Variants in DIAPH3 observed in about 807,000 individuals in gnomAD.
The protein encoded by DIAPH3 is protein diaphanous homolog 3.
In DIAPH3, 117 loss-of-function variants were observed where a neutral mutation model predicts 144.3. That is an observed-to-expected ratio of 0.81 (90% CI 0.70 to 0.95). The LOEUF is 0.95. DIAPH3 is among the 40% of genes least tolerant of loss of function. DIAPH3 has a pLI of 0.00. For missense variants in DIAPH3, 1,421 were observed against 1,412.7 expected, an observed-to-expected ratio of 1.01 and a Z score of -0.09; for synonymous variants, 519 against 488.9, an observed-to-expected ratio of 1.06 and a Z score of -0.81.
chr13:59,717,748 T>G (rs759853541), intron 27 of DIAPH3, among the ~76,000 whole-genome samples: 3 of 151,540 alleles, frequency 2.0e-5, no homozygotes, highest in Non-Finnish European at 4.4e-5. Flanking sequence ...ATTATAGGTA[T>G]AGGAGGATAA....
At chr13:59,820,719 A>G (rs1021467688) in intron 24 of DIAPH3, among the ~76,000 whole-genome samples, 22 of 150,996 alleles carry the variant, frequency 1.5e-4, no homozygotes, top group Non-Finnish European at 2.2e-4. Context: ...GTTATAAAAT[A>G]AAATTTTAAT....
At chr13:60,067,497 T>C (rs768460438) in intron 4 of DIAPH3, among the ~76,000 whole-genome samples, 2 of 152,114 alleles carry the variant, frequency 1.3e-5, no homozygotes, top group Non-Finnish European at 2.9e-5. Flanking sequence ...AGCCGACCCC[T>C]TGCTAGGATG....
intron 25 of DIAPH3, among the ~76,000 whole-genome samples, chr13:59,787,136 C>T (rs2039073942): frequency 6.6e-6 from 1 of 152,072 alleles, no homozygotes; most frequent in Non-Finnish European, 1.5e-5. Context: ...ATGTACTACA[C>T]TTGGTGATTC....
chr13:59,907,782 G>A (rs2046810854), intron 20 of DIAPH3, among the ~76,000 whole-genome samples: 1 of 152,180 alleles, frequency 6.6e-6, no homozygotes, highest in Non-Finnish European at 1.5e-5. Context: ...TAAGAACTGA[G>A]TACCACAAAA....
chr13:59,780,457 T>A (rs796136551), intron 25 of DIAPH3, among the ~76,000 whole-genome samples: 15 of 152,266 alleles, frequency 9.9e-5, no homozygotes, highest in African/African-American at 3.6e-4. Flanking sequence ...TTTCTTAGAG[T>A]AGAATTCAAT....
intron 1 of DIAPH3, among the ~76,000 whole-genome samples, chr13:60,143,727 G>A (rs981852438): frequency 2.0e-5 from 3 of 152,154 alleles, no homozygotes; most frequent in African/African-American, 7.2e-5. Flanking sequence ...CTGTTTTGCT[G>A]GGTGTCAGTT....
chr13:60,141,648 G>A (rs1468311373), intron 1 of DIAPH3, among the ~76,000 whole-genome samples: 1 of 152,188 alleles, frequency 6.6e-6, no homozygotes, highest in Admixed American at 6.5e-5. Context: ...ATTCATTCAT[G>A]CAACAACTGT....
At chr13:59,882,835 T>C (rs1417737043) in intron 20 of DIAPH3, among the ~76,000 whole-genome samples, 1 of 152,150 alleles carries the variant, frequency 6.6e-6, no homozygotes, top group African/African-American at 2.4e-5. Context: ...TGAGATGTAA[T>C]CTGAAGATCA....
chr13:60,099,952 G>GAAGA (rs2058221794), intron 3 of DIAPH3, among the ~76,000 whole-genome samples: 1 of 141,972 alleles, frequency 7.0e-6, no homozygotes, highest in African/African-American at 3.1e-5. Context: ...AGGAAGGAAG[G>GAAGA]AAGGAAGGAA....
intron 17 of DIAPH3, among the ~76,000 whole-genome samples, chr13:59,929,341 T>C (rs1228803946): frequency 6.6e-6 from 1 of 152,138 alleles, no homozygotes; most frequent in East Asian, 1.9e-4. Context: ...TTTATATAAT[T>C]AACCATCTTT....
At chr13:60,124,157 AGAAG>A (rs1566798384) in intron 2 of DIAPH3, among the ~76,000 whole-genome samples, 1 of 152,200 alleles carries the variant, frequency 6.6e-6, no homozygotes, top group Non-Finnish European at 1.5e-5. Flanking sequence ...ATACCGAGGA[AGAAG>A]GCCCAGAGAA....
chr13:60,009,321 G>T (rs926404065), intron 8 of DIAPH3, among the ~76,000 whole-genome samples: 1 of 152,100 alleles, frequency 6.6e-6, no homozygotes, highest in Non-Finnish European at 1.5e-5. Context: ...TTACTTACAG[G>T]ATCTTGATAC....
intron 25 of DIAPH3, among the ~76,000 whole-genome samples, chr13:59,778,796 C>CCTAATTCTG (rs2038563375): frequency 6.6e-6 from 1 of 152,206 alleles, no homozygotes; most frequent in Admixed American, 6.5e-5. Context: ...CCAGTTTCTC[C>CCTAATTCTG]CTAATTCTGC....
intron 17 of DIAPH3, among the ~76,000 whole-genome samples, chr13:59,937,362 A>G (rs1274807529): frequency 6.6e-6 from 1 of 152,206 alleles, no homozygotes; most frequent in Admixed American, 6.5e-5. Flanking sequence ...AACTCAGTGT[A>G]CATTCCTAAT....
chr13:59,759,290 A>T (rs1217600057), intron 27 of DIAPH3, among the ~76,000 whole-genome samples: 2 of 152,158 alleles, frequency 1.3e-5, no homozygotes, highest in Non-Finnish European at 2.9e-5. Flanking sequence ...AAAAATACAT[A>T]AGGATGGGCC....
At chr13:59,858,438 AT>A (rs556439685) in intron 22 of DIAPH3, among the ~76,000 whole-genome samples, 105 of 152,254 alleles carry the variant, frequency 6.9e-4, no homozygotes, top group Middle Eastern at 3.4e-3. Flanking sequence ...TAAGTTAGTG[AT>A]TGGATGAATG....
intron 1 of DIAPH3, among the ~76,000 whole-genome samples, chr13:60,138,959 CT>C (rs1252703125): frequency 6.6e-6 from 1 of 152,144 alleles, no homozygotes; most frequent in Non-Finnish European, 1.5e-5. Context: ...CAGATTATTC[CT>C]TTCCAACAAT....
At chr13:59,983,424 A>G (rs1000910964) in intron 13 of DIAPH3, among the ~76,000 whole-genome samples, 10 of 151,562 alleles carry the variant, frequency 6.6e-5, no homozygotes, top group Non-Finnish European at 1.3e-4. Context: ...GGCTTTAATA[A>G]AGTTAACATT....
At chr13:59,891,567 C>A (rs901971055) in intron 20 of DIAPH3, among the ~76,000 whole-genome samples, 3 of 151,708 alleles carry the variant, frequency 2.0e-5, no homozygotes, top group Non-Finnish European at 4.4e-5. Flanking sequence ...AAAGCAGAAA[C>A]TAAGAAAATT....
Sources: gnomAD v4.1 joint callset for allele counts (sites outside exome capture counted in the v4.1 genomes callset) on GRCh38, gnomAD v4.1.1 for gene constraint, MANE v1.5 for transcripts, NCBI Gene and HGNC (gene_info 2026-07-23, HGNC 2026-07-21) for gene names.